Variants in FAM178B observed in about 807,000 individuals in gnomAD.
FAM178B encodes protein FAM178B.
In FAM178B, 82 loss-of-function variants were observed where a neutral mutation model predicts 91.7. That is an observed-to-expected ratio of 0.89 (90% CI 0.75 to 1.07). The LOEUF is 1.07. Ranked by LOEUF, FAM178B falls within the 50% of genes least tolerant of loss-of-function variation. The pLI is 0.00. For synonymous variants in FAM178B, 368 were observed against 359.4 expected (o/e 1.02, Z -0.27); for missense variants, 769 against 846.7 (o/e 0.91, Z 1.14).
rs55924441 is a variant in FAM178B, at chr2:96,958,697, T to TAAAAA, written c.887+1586_887+1590dup. ...AGAGTGAGACTCCATCTCAAAATAC[T>TAAAAA]AAAAAAAAAAAAAAAAAAAAAAAAA... On this transcript the variant is annotated intron_variant, in intron 6 of 16. Coordinates refer to ENST00000490605, the MANE Select transcript of FAM178B (RefSeq NM_001122646.3). Among the ~76,000 whole-genome samples the TAAAAA allele has an allele frequency of 4.7e-4, 26 of 55,536 alleles. 1 individual carries two copies. The South Asian group carries it at 6.8e-3, about 15-fold the overall frequency. 36.4% of individuals were successfully genotyped at this position (55,536 alleles called of 152,430 possible).
chr2:96,972,351 C>T (rs2082234059), intron 2 of FAM178B, 29 bp from the exon 3 acceptor site: 1 of 1,466,248 alleles, frequency 6.8e-7, no homozygotes, highest in Non-Finnish European at 9.0e-7. Context: ...ACTGTGGTCC[C>T]TCTGCCCACC....
chr2:96,936,225 G>A (rs1004667538), intron 8 of FAM178B, among the ~76,000 whole-genome samples: 7 of 151,766 alleles, frequency 4.6e-5, no homozygotes, highest in Admixed American at 6.6e-5. Flanking sequence ...TTTTTGAGAC[G>A]GAGTCTCGCT....
At chr2:96,941,541 A>C (rs1369174964) in intron 8 of FAM178B, among the ~76,000 whole-genome samples, 1 of 152,238 alleles carries the variant, frequency 6.6e-6, no homozygotes, top group Non-Finnish European at 1.5e-5. Flanking sequence ...CAAAGGGAAA[A>C]GCATGATCAA....
At chr2:96,878,354 C>A (rs990571212) in intron 15 of FAM178B, 62 bp downstream of exon 15, 2 of 1,512,864 alleles carry the variant, frequency 1.3e-6, no homozygotes, top group Non-Finnish European at 1.8e-6. Flanking sequence ...CAACCCCCGC[C>A]GCTTGGGGGA....
In FAM178B at chr2:96,986,252, A is replaced by G; in HGVS notation, c.62T>C (p.Leu21Pro). 6.5e-7 allele frequency: 1 copy of G among 1,534,524 alleles called. No homozygotes were observed. Among genetic ancestry groups the G allele is most frequent in the Non-Finnish European group, 8.7e-7 (1 of 1,146,772 alleles). The change falls in exon 1 of 17, where the codon CTC becomes CCC. Residue 21 changes from leucine to proline, a missense_variant. Transcript: ENST00000490605. ...CTCAGTTTCCTTACCTGTAAAATGG[A>G]GCCGCTGATCCTGCCTCCTGAGTTG... ...APQLRRQDQR[L>P]HFTGQMSHGL...
At chr2:96,964,309 C>G (rs1332259892) in intron 5 of FAM178B, among the ~76,000 whole-genome samples, 2 of 152,114 alleles carry the variant, frequency 1.3e-5, no homozygotes, top group Non-Finnish European at 2.9e-5. Context: ...CAGGCCACAT[C>G]CCTCCACCAG....
At position 96,947,445 on chromosome 2, in the gene FAM178B, T is replaced by C. The variant is rs185040573; in HGVS notation, c.1078+373A>G. On this transcript the variant is annotated intron_variant, in intron 8 of 16. Transcript: ENST00000490605. ...GGAGCACCCTGATTTGATGCGGATA[T>C]TCCTGGAACCCTCTCAAGCTAACCG... is the stretch of plus-strand genomic sequence containing the variant. 2.6e-3 allele frequency among the ~76,000 whole-genome samples: 399 copies of C among 152,252 alleles called. 5 individuals carry two copies. Among genetic ancestry groups the C allele is most frequent in the Non-Finnish European group, 3.0e-3 (205 of 68,018 alleles).
Position 96,947,629 on chromosome 2 carries a change from C to T in FAM178B, c.1078+189G>A, listed in dbSNP as rs1207786274. On this transcript the variant is annotated intron_variant, in intron 8 of 16. Coordinates refer to ENST00000490605, the MANE Select transcript of FAM178B (RefSeq NM_001122646.3). Reference sequence around the variant, plus strand: ...GAGATCTGAGGCCAGTTCAAGGTGCCGAGGAGCCTGTTGGTTCAGCTTTTT... The same window carrying T: ...GAGATCTGAGGCCAGTTCAAGGTGCTGAGGAGCCTGTTGGTTCAGCTTTTT... Among the ~76,000 whole-genome samples the T allele has an allele frequency of 2.6e-5, 4 of 152,166 alleles. No individual in the cohort carries two copies. In the East Asian group the frequency reaches 5.8e-4, roughly 22 times the overall value.
At chr2:96,877,676 T>C in intron 16 of FAM178B, 1 of 572,816 alleles carries the variant, frequency 1.7e-6, no homozygotes, top group South Asian at 2.1e-5. Flanking sequence ...ATTACAGGCG[T>C]GAGCTACCAC....
chr2:96,948,978 C>T (rs368367567), intron 7 of FAM178B, among the ~76,000 whole-genome samples: 8 of 152,308 alleles, frequency 5.3e-5, no homozygotes, highest in South Asian at 2.1e-4. Flanking sequence ...GGATGCCCTC[C>T]GGTCGGCATC....
At chr2:96,889,186 C>T (rs1005816125) in intron 14 of FAM178B, among the ~76,000 whole-genome samples, 2 of 152,330 alleles carry the variant, frequency 1.3e-5, no homozygotes, top group African/African-American at 4.8e-5. Context: ...GCTCCTGGTG[C>T]CTGACTCTGC....
chr2:96,888,350 G>A (rs1361721285), intron 14 of FAM178B, among the ~76,000 whole-genome samples: 1 of 152,238 alleles, frequency 6.6e-6, no homozygotes, highest in African/African-American at 2.4e-5. Flanking sequence ...GCCCAGTGGG[G>A]CAGTAAGGAA....
intron 5 of FAM178B, among the ~76,000 whole-genome samples, chr2:96,964,208 A>G (rs1328042685): frequency 1.8e-5 from 1 of 55,990 alleles, no homozygotes; most frequent in Non-Finnish European, 5.3e-5. Flanking sequence ...TGATTATCAG[A>G]AAAACTTCAA....
chr2:96,912,583 C>G (rs1048933223), intron 12 of FAM178B, among the ~76,000 whole-genome samples: 1 of 152,066 alleles, frequency 6.6e-6, no homozygotes, highest in Non-Finnish European at 1.5e-5. Context: ...GGCTGGAGTG[C>G]CTGGTGCCCC....
chr2:96,960,807 C>G (rs999442326), intron 5 of FAM178B, among the ~76,000 whole-genome samples: 1 of 152,188 alleles, frequency 6.6e-6, no homozygotes, highest in African/African-American at 2.4e-5. Context: ...CGGCAATCCC[C>G]TCTGGCGAGT....
chr2:96,974,823 C>G (rs2082268621), intron 1 of FAM178B, among the ~76,000 whole-genome samples: 1 of 152,086 alleles, frequency 6.6e-6, no homozygotes, highest in South Asian at 2.1e-4. Context: ...GGAGCAGTGG[C>G]TCACACCTGT....
intron 10 of FAM178B, 113 bp downstream of exon 10, chr2:96,923,377 C>A: frequency 2.5e-6 from 2 of 797,524 alleles, no homozygotes; most frequent in Admixed American, 2.0e-5. Flanking sequence ...ACAGTGCCTG[C>A]CATGGTGCTG....
chr2:96,911,581 T>C (rs528500138), intron 12 of FAM178B, among the ~76,000 whole-genome samples: 30 of 152,282 alleles, frequency 2.0e-4, no homozygotes, highest in Admixed American at 1.8e-3. Flanking sequence ...ACATCAGCAA[T>C]GCGAACACAT....
At chr2:96,943,259 T>C (rs2081764879) in intron 8 of FAM178B, among the ~76,000 whole-genome samples, 1 of 152,230 alleles carries the variant, frequency 6.6e-6, no homozygotes, top group Non-Finnish European at 1.5e-5. Flanking sequence ...AGAGACCTCT[T>C]ACCCATCAGC....
Sources: allele counts gnomAD v4.1 joint callset (sites outside exome capture counted in the v4.1 genomes callset), GRCh38; gene constraint gnomAD v4.1.1; transcripts MANE v1.5; gene names NCBI Gene and HGNC (gene_info 2026-07-23, HGNC 2026-07-21).